The following ROBO2 variants were observed in gnomAD, a reference collection of about 807,000 sequenced individuals.
The protein encoded by ROBO2 is roundabout guidance receptor 2.
A neutral mutation model predicts 160.8 loss-of-function variants in ROBO2; 53 were observed. The observed-to-expected ratio is 0.33, with a 90% CI of 0.26 to 0.41. The LOEUF (loss-of-function observed/expected upper bound fraction) is 0.41, where lower values mean the gene tolerates loss of function less well. Ranked by LOEUF, ROBO2 falls within the 10% of genes least tolerant of loss-of-function variation. The probability of loss-of-function intolerance (pLI) is 1.00; values close to 1 mark genes in which losing one functional copy is unlikely to be tolerated. For missense variants in ROBO2, 1,577 were observed against 1,722.4 expected (o/e 0.92, Z 1.49); for synonymous variants, 664 against 611.7 (o/e 1.09, Z -1.26).
intron 2 of ROBO2, among the ~76,000 whole-genome samples, chr3:76,436,243 C>T (rs1482066232): frequency 6.6e-6 from 1 of 151,108 alleles, no homozygotes; most frequent in Non-Finnish European, 1.5e-5. Flanking sequence ...GGTACATGTG[C>T]ACATTGTGCA....
rs192604538 is a variant in ROBO2 at position 77,311,707 on chromosome 3, T to A, written c.389-165707T>A. On this transcript the variant is annotated intron_variant, in intron 2 of 25. Coordinates refer to ENST00000461745, the Ensembl canonical transcript of ROBO2. ...TGTATGTTAGTAGGATATGCTTTAA[T>A]GTGGATCACTAATCTCTTTTTCATA... is the stretch of plus-strand genomic sequence containing the variant. Among the ~76,000 whole-genome samples, 496 of 152,348 alleles carry A rather than the reference T, an allele frequency of 3.3e-3. 2 individuals carry two copies. Among genetic ancestry groups the A allele is most frequent in the Non-Finnish European group, 4.9e-3 (335 of 68,034 alleles).
At chr3:77,200,306 TATATATATATA>T (rs1290741667) in intron 2 of ROBO2, among the ~76,000 whole-genome samples, 17 of 84,474 alleles carry the variant, frequency 2.0e-4, no homozygotes, top group South Asian at 7.2e-4. Context: ...TATATATATA[TATATATATATA>T]TATATTTTAG....
chr3:77,177,693 G>A (rs1248941823), intron 2 of ROBO2, among the ~76,000 whole-genome samples: 1 of 151,840 alleles, frequency 6.6e-6, no homozygotes, highest in Non-Finnish European at 1.5e-5. Context: ...GTGGTTTACA[G>A]TCTAGTTTTC....
chr3:76,131,953 C>T (rs1225205169), intron 2 of ROBO2, among the ~76,000 whole-genome samples: 1 of 152,040 alleles, frequency 6.6e-6, no homozygotes, highest in African/African-American at 2.4e-5. Flanking sequence ...CCAAATATTA[C>T]TAGCAAAGCT....
intron 2 of ROBO2, among the ~76,000 whole-genome samples, chr3:77,295,339 C>A (rs1235627369): frequency 6.7e-6 from 1 of 149,444 alleles, no homozygotes; most frequent in Admixed American, 6.6e-5. Flanking sequence ...GGCTAGATCA[C>A]CAAAGACATA....
chr3:77,425,287 C>T (rs922835667), intron 2 of ROBO2, among the ~76,000 whole-genome samples: 1 of 151,622 alleles, frequency 6.6e-6, no homozygotes, highest in African/African-American at 2.4e-5. Context: ...CAAATATACA[C>T]ATTGCAAATT....
At chr3:76,463,281 C>A (rs936230555) in intron 2 of ROBO2, among the ~76,000 whole-genome samples, 3 of 151,896 alleles carry the variant, frequency 2.0e-5, no homozygotes, top group African/African-American at 4.8e-5. Context: ...GGTCAAGGTA[C>A]CCTAACTTCT....
At chr3:76,932,472 G>C (rs1434968459) in intron 2 of ROBO2, among the ~76,000 whole-genome samples, 1 of 151,932 alleles carries the variant, frequency 6.6e-6, no homozygotes, top group Non-Finnish European at 1.5e-5. Context: ...TGCTGCAGCT[G>C]TAATCCTCAG....
chr3:76,219,390 C>CCT (rs1244117767), intron 2 of ROBO2, among the ~76,000 whole-genome samples: 2 of 152,146 alleles, frequency 1.3e-5, no homozygotes, highest in Non-Finnish European at 2.9e-5. Context: ...GAACAGGCAA[C>CCT]CTACAGCATG....
intron 2 of ROBO2, among the ~76,000 whole-genome samples, chr3:76,453,402 C>T (rs2077577960): frequency 6.6e-6 from 1 of 152,158 alleles, no homozygotes; most frequent in African/African-American, 2.4e-5. Context: ...TATGGCTAGC[C>T]AGTTTTCCCA....
intron 2 of ROBO2, among the ~76,000 whole-genome samples, chr3:76,602,299 C>G (rs893124327): frequency 2.6e-5 from 4 of 152,118 alleles, no homozygotes; most frequent in African/African-American, 9.7e-5. Context: ...CTGTTCCAAC[C>G]TCCGCCTGTT....
intron 2 of ROBO2, among the ~76,000 whole-genome samples, chr3:77,472,345 C>T (rs2083444198): frequency 6.6e-6 from 1 of 152,126 alleles, no homozygotes. Flanking sequence ...TAATCTATTT[C>T]TTAACCAGTT....
chr3:76,328,417 C>CAA (rs2073194197), intron 2 of ROBO2, among the ~76,000 whole-genome samples: 1 of 152,184 alleles, frequency 6.6e-6, no homozygotes, highest in Non-Finnish European at 1.5e-5. Context: ...GAATTTCTCT[C>CAA]AAAATTTGTC....
chr3:76,358,434 C>G (rs558029447), intron 2 of ROBO2, among the ~76,000 whole-genome samples: 1 of 152,074 alleles, frequency 6.6e-6, no homozygotes, highest in Non-Finnish European at 1.5e-5. Context: ...TACTAGAGTA[C>G]TAACTTGTTA....
chr3:77,222,283 T>A (rs1383685025), intron 2 of ROBO2, among the ~76,000 whole-genome samples: 2 of 152,166 alleles, frequency 1.3e-5, no homozygotes, highest in Non-Finnish European at 2.9e-5. Flanking sequence ...ATATACTACA[T>A]TGTCAATATG....
At chr3:77,180,893 A>G (rs2080717655) in intron 2 of ROBO2, among the ~76,000 whole-genome samples, 1 of 152,094 alleles carries the variant, frequency 6.6e-6, no homozygotes, top group East Asian at 1.9e-4. Flanking sequence ...CCCAGATTTT[A>G]ATACTGACCA....
intron 20 of ROBO2, among the ~76,000 whole-genome samples, chr3:77,605,164 A>C (rs1338544295): frequency 7.2e-6 from 1 of 138,996 alleles, no homozygotes; most frequent in Non-Finnish European, 1.5e-5. Context: ...ACCCTGTCTC[A>C]AGGAAAAAAA....
chr3:76,245,176 A>G (rs908293121), intron 2 of ROBO2, among the ~76,000 whole-genome samples: 1 of 152,228 alleles, frequency 6.6e-6, no homozygotes, highest in Non-Finnish European at 1.5e-5. Context: ...TAGACCTTAC[A>G]CAATTTCTTT....
intron 2 of ROBO2, among the ~76,000 whole-genome samples, chr3:76,112,166 CT>C (rs551014078): frequency 1.3e-5 from 2 of 152,100 alleles, no homozygotes; most frequent in Non-Finnish European, 2.9e-5. Context: ...TGCATTTCCT[CT>C]TTTTTCCAGA....
Sources: gnomAD v4.1 joint callset for allele counts (sites outside exome capture counted in the v4.1 genomes callset) on GRCh38, gnomAD v4.1.1 for gene constraint, MANE v1.5 for transcripts, NCBI Gene and HGNC (gene_info 2026-07-23, HGNC 2026-07-21) for gene names.